Variants in SNX31 observed in about 807,000 individuals in gnomAD.
SNX31 encodes the protein sorting nexin-31.
In SNX31, 58 loss-of-function variants were observed where a neutral mutation model predicts 65.4. That is an observed-to-expected ratio of 0.89 (90% CI 0.72 to 1.10). The LOEUF (loss-of-function observed/expected upper bound fraction) is 1.10, where lower values mean the gene tolerates loss of function less well. SNX31 is among the 50% of genes least tolerant of loss of function. The probability of loss-of-function intolerance (pLI) is 0.00; values close to 1 mark genes in which losing one functional copy is unlikely to be tolerated. For missense variants in SNX31, 523 were observed against 529.7 expected, an observed-to-expected ratio of 0.99 and a Z score of 0.12; for synonymous variants, 181 against 190.1, an observed-to-expected ratio of 0.95 and a Z score of 0.39.
chr8:100,657,330 T>A (rs1227341084), intron 1 of SNX31, among the ~76,000 whole-genome samples: 1 of 151,594 alleles, frequency 6.6e-6, no homozygotes, highest in South Asian at 2.1e-4. Flanking sequence ...TGCATGCCTG[T>A]AATCCCAGCT....
intron 10 of SNX31, among the ~76,000 whole-genome samples, chr8:100,590,292 AT>A (rs1182823678): frequency 6.6e-6 from 1 of 152,104 alleles, no homozygotes; most frequent in East Asian, 1.9e-4. Context: ...AGGGCAACAG[AT>A]TTTCTTTAAG....
Position 100,615,376 on chromosome 8 carries a change from GATAA to G in SNX31, c.432+2240_432+2243del, listed in dbSNP as rs1300993773. 5.9e-5 allele frequency among the ~76,000 whole-genome samples: 9 copies of G among 152,218 alleles called. No individual in the cohort carries two copies. The East Asian group carries it at 1.7e-3, about 29-fold the overall frequency. ...CAAGATCAATACCAATACCAATAAT[GATAA>G]ATAAACACAACTGCCATTGTCTCGG... On this transcript the variant is annotated intron_variant, in intron 5 of 13. Transcript: ENST00000311812.
intron 10 of SNX31, among the ~76,000 whole-genome samples, chr8:100,591,724 G>A (rs1304861922): frequency 6.6e-6 from 1 of 151,982 alleles, no homozygotes; most frequent in African/African-American, 2.4e-5. Flanking sequence ...AGCTACTTGG[G>A]AGGCTGAGGA....
Position 100,629,441 on chromosome 8 carries a change from G to C in SNX31, c.321+886C>G, listed in dbSNP as rs1173575580. Among the ~76,000 whole-genome samples, 1 of 152,096 alleles carries C rather than the reference G, an allele frequency of 6.6e-6. No homozygotes were observed. The highest frequency in any genetic ancestry group is 2.4e-5 in the African/African-American group (1 of 41,410). The stretch of plus-strand genomic sequence containing the variant: ...AATATGAACCACTACAGAACAGAAG[G>C]CTCTAGGGCCATTTCTCAGGTTGAC... On this transcript the variant is annotated intron_variant, in intron 4 of 13. Transcript: ENST00000311812. This position sits in a 1 kb window ranked among gnomAD's most constrained non-coding sequence, Gnocchi z 5.1.
At chr8:100,638,589 T>A (rs1048084830) in intron 2 of SNX31, among the ~76,000 whole-genome samples, 1 of 152,268 alleles carries the variant, frequency 6.6e-6, no homozygotes, top group African/African-American at 2.4e-5. Context: ...TACCAGCAGT[T>A]ATTTGTGTGA....
Position 100,573,926 on chromosome 8 carries a change from C to CTTTTTTTTTTTTTT in SNX31, c.1261_1262insAAAAAAAAAAAAAA (p.Ser421LysfsTer10), listed in dbSNP as rs752425672. On this transcript the variant is annotated frameshift_variant, in exon 14 of 14. Transcript: ENST00000311812. LOFTEE classifies it high-confidence loss of function. ...GTCATCTTTAGCTATCTTAATCTTG[C>CTTTTTTTTTTTTTT]TTTTTCTTGATAGAAAACTAGAATA... 6.3e-7 allele frequency: 1 copy of CTTTTTTTTTTTTTT among 1,587,000 alleles called. No individual in the cohort carries two copies. Among genetic ancestry groups the CTTTTTTTTTTTTTT allele is most frequent in the Admixed American group, 1.8e-5 (1 of 54,286 alleles).
rs1816608070 is a variant in SNX31, at chr8:100,610,405, AAC to A, written c.611+1593_611+1594del. ...CTATAATCACCATCATCATCAATAT[AAC>A]AGTCACAAACATGACCAAAACTTAC... On this transcript the variant is annotated intron_variant, in intron 7 of 13. Coordinates refer to ENST00000311812, the MANE Select transcript of SNX31 (RefSeq NM_152628.4). This position sits in a 1 kb window ranked among gnomAD's most constrained non-coding sequence, Gnocchi z 4.0. Among the ~76,000 whole-genome samples the A allele has an allele frequency of 6.6e-6, 1 of 151,932 alleles. No homozygotes were observed. Among genetic ancestry groups the A allele is most frequent in the Non-Finnish European group, 1.5e-5 (1 of 67,992 alleles).
intron 12 of SNX31, among the ~76,000 whole-genome samples, chr8:100,583,686 A>G (rs1813763621): frequency 6.6e-6 from 1 of 152,164 alleles, no homozygotes; most frequent in Admixed American, 6.5e-5. Flanking sequence ...ATTTGGCACA[A>G]TGGAAGTATC....
intron 2 of SNX31, among the ~76,000 whole-genome samples, chr8:100,641,545 C>CAAAAA (rs1173913088): frequency 1.9e-4 from 2 of 10,260 alleles, no homozygotes; most frequent in African/African-American, 4.3e-4. Context: ...GACCTTGTCT[C>CAAAAA]AAAAAAAAAA....
intron 13 of SNX31, among the ~76,000 whole-genome samples, chr8:100,574,512 G>T (rs1008326147): frequency 6.6e-6 from 1 of 151,894 alleles, no homozygotes; most frequent in African/African-American, 2.4e-5. Context: ...TGGCGCCTGT[G>T]GTCCGAGCTA....
At chr8:100,663,124 CG>C (rs1181222284) in intron 1 of SNX31, 15 of 152,206 alleles carry the variant, frequency 9.9e-5, no homozygotes, top group Admixed American at 2.6e-4. Context: ...CCAAAAGGAG[CG>C]GGGGTTGGAA....
At chr8:100,586,063 G>C (rs1814018219) in intron 11 of SNX31, among the ~76,000 whole-genome samples, 1 of 152,160 alleles carries the variant, frequency 6.6e-6, no homozygotes. Flanking sequence ...TGGGATTACA[G>C]GTGCCTGCCA....
chr8:100,611,867 T>C (rs1389556398), intron 7 of SNX31, 133 bp downstream of exon 7: 7 of 699,238 alleles, frequency 1.0e-5, no homozygotes, highest in Non-Finnish European at 1.5e-5. Flanking sequence ...TCATTGCTTT[T>C]CTCAGAGCCT....
intron 4 of SNX31, among the ~76,000 whole-genome samples, chr8:100,620,477 A>G (rs1368669258): frequency 6.6e-6 from 1 of 152,232 alleles, no homozygotes; most frequent in Non-Finnish European, 1.5e-5. Context: ...CCACATGCTT[A>G]CAATTACTAA....
Position 100,612,923 on chromosome 8 carries a change from G to T in SNX31, c.523+72C>A. ...AGTGGGTGGCCAGCCCCTCAGCTGT[G>T]ACTCCTATGAGCCCCTGCTCACACC... On this transcript the variant is annotated intron_variant, in intron 6 of 13. Transcript: ENST00000311812. This position sits in a 1 kb window ranked among gnomAD's most constrained non-coding sequence, Gnocchi z 4.3. 2 of 1,320,416 alleles carry T rather than the reference G, an allele frequency of 1.5e-6. No homozygotes were observed. The highest frequency in any genetic ancestry group is 2.2e-6 in the Non-Finnish European group (2 of 913,472). The allele number at this position is 1,320,416 out of a possible 1,614,324, so 81.8% of individuals were successfully genotyped here.
chr8:100,585,463 G>A (rs560564561), intron 11 of SNX31, among the ~76,000 whole-genome samples: 1 of 152,272 alleles, frequency 6.6e-6, no homozygotes, highest in Non-Finnish European at 1.5e-5. Context: ...AGTTCTTGGA[G>A]GGGAGAACAC....
chr8:100,635,973 T>C lies in SNX31; in HGVS notation c.180A>G (p.Pro60=), dbSNP rs1373101841. 2 of 1,614,026 alleles carry C rather than the reference T, an allele frequency of 1.2e-6. No homozygotes were observed. Among genetic ancestry groups the C allele is most frequent in the South Asian group, 2.2e-5 (2 of 91,068 alleles). The change falls in exon 3 of 14, where the codon CCA becomes CCG. Residue 60 remains proline, a synonymous_variant. Coordinates refer to ENST00000311812, the MANE Select transcript of SNX31 (RefSeq NM_152628.4). ...RVFGNCLPPF[P]PKYYLAMTTA... is the part of the protein sequence containing the mutation. ...TGGTCATTGCCAGATAGTACTTTGG[T>C]GGGAAGGGTGGCAGGCAATTTCCAA... is the stretch of plus-strand genomic sequence containing the variant.
intron 10 of SNX31, among the ~76,000 whole-genome samples, chr8:100,589,621 A>T (rs1294669198): frequency 6.6e-6 from 1 of 152,066 alleles, no homozygotes; most frequent in Non-Finnish European, 1.5e-5. Flanking sequence ...TTGAAAGAGG[A>T]AATATTCTAG....
At position 100,612,077 on chromosome 8, in the gene SNX31, T is replaced by C. The variant is rs1468604907; in HGVS notation, c.534A>G (p.Lys178=). The C allele has an allele frequency of 2.5e-6, 4 of 1,613,716 alleles. No individual in the cohort carries two copies. The highest frequency in any genetic ancestry group is 2.2e-5 in the South Asian group (2 of 91,066). Residue 178 remains lysine (K), a synonymous_variant, in exon 7 of 14, where the codon AAA becomes AAG. Coordinates refer to ENST00000311812, the MANE Select transcript of SNX31 (RefSeq NM_152628.4). The surrounding 1 kb of genome is among the most constrained non-coding windows in gnomAD (Gnocchi z 4.3). ...CATAAGGGAGTTCAAAGTCAGCCAATTTTTTCACAACTAGAGAAAGGAGAA... is the reference window on the plus strand; with the variant it reads ...CATAAGGGAGTTCAAAGTCAGCCAACTTTTTCACAACTAGAGAAAGGAGAA... ...GKEGKLSVVK[K]LADFELPYVS... is the part of the protein sequence containing the mutation.
Sources: gnomAD v4.1 joint callset for allele counts (sites outside exome capture counted in the v4.1 genomes callset) on GRCh38, gnomAD v4.1.1 for gene constraint, Gnocchi (gnomAD v3.1) non-coding constraint, MANE v1.5 for transcripts, NCBI Gene and HGNC (gene_info 2026-07-23, HGNC 2026-07-21) for gene names.